The following SHC3 variants were observed in gnomAD, a reference collection of about 807,000 sequenced individuals.
SHC3 encodes SHC adaptor protein 3.
SHC3 carries 15 observed loss-of-function variants against 60.4 expected under a neutral mutation model. The ratio of observed to expected loss-of-function variants is 0.25; its 90% confidence interval spans 0.17 to 0.38. The LOEUF (loss-of-function observed/expected upper bound fraction) is 0.38. Among genes scored for constraint, SHC3 ranks in the 10% least tolerant of loss-of-function variants. The pLI is 1.00. For synonymous variants in SHC3, 294 were observed against 325.9 expected, an observed-to-expected ratio of 0.90 and a Z score of 1.05; for missense variants, 677 against 786.1, an observed-to-expected ratio of 0.86 and a Z score of 1.66.
At chr9:89,045,521 C>T (rs188283750) in intron 9 of SHC3, among the ~76,000 whole-genome samples, 52 of 152,118 alleles carry the variant, frequency 3.4e-4, no homozygotes, top group African/African-American at 1.2e-3. Flanking sequence ...GTGATTGTCC[C>T]GCCTCAGCTT....
At chr9:89,114,046 C>T (rs1315092569) in intron 1 of SHC3, among the ~76,000 whole-genome samples, 1 of 152,112 alleles carries the variant, frequency 6.6e-6, no homozygotes, top group Non-Finnish European at 1.5e-5. Context: ...TACGTGAAAA[C>T]CACCACCTAT....
At chr9:89,161,188 G>A (rs542649393) in intron 1 of SHC3, among the ~76,000 whole-genome samples, 1 of 152,230 alleles carries the variant, frequency 6.6e-6, no homozygotes, top group East Asian at 1.9e-4. Flanking sequence ...GACCCCATAC[G>A]ATCATGGCAG....
At chr9:89,033,474 T>C (rs775937937) in intron 11 of SHC3, among the ~76,000 whole-genome samples, 4 of 152,218 alleles carry the variant, frequency 2.6e-5, no homozygotes, top group Non-Finnish European at 2.9e-5. Flanking sequence ...AAGTATGAGC[T>C]GATTCTAAAA....
At chr9:89,091,980 A>G (rs1468379741) in intron 2 of SHC3, among the ~76,000 whole-genome samples, 1 of 152,242 alleles carries the variant, frequency 6.6e-6, no homozygotes, top group Non-Finnish European at 1.5e-5. Flanking sequence ...AAGAAAGAAA[A>G]TGAAACCAGA....
intron 2 of SHC3, among the ~76,000 whole-genome samples, chr9:89,107,974 CATGAGT>C (rs1457369043): frequency 9.2e-5 from 14 of 152,186 alleles, no homozygotes; most frequent in Admixed American, 3.9e-4. Flanking sequence ...AAGGTGGTCC[CATGAGT>C]ATAATAGTGT....
chr9:89,045,643 G>C, intron 9 of SHC3, 103 bp downstream of exon 9: 1 of 951,950 alleles, frequency 1.1e-6, no homozygotes, highest in African/African-American at 1.6e-5. Flanking sequence ...ATATATCCAG[G>C]GGTCACTCTG....
At chr9:89,171,518 G>A (rs1300199519) in intron 1 of SHC3, among the ~76,000 whole-genome samples, 3 of 152,192 alleles carry the variant, frequency 2.0e-5, no homozygotes, top group South Asian at 2.1e-4. Context: ...TTCAATAGAC[G>A]AAAGTGAGCA....
At chr9:89,042,807 AT>A (rs1190327018) in intron 9 of SHC3, among the ~76,000 whole-genome samples, 3 of 151,716 alleles carry the variant, frequency 2.0e-5, no homozygotes, top group African/African-American at 7.3e-5. Context: ...CAGCTAGCCA[AT>A]GGGTGTGCTG....
At chr9:89,102,515 T>C (rs1825797801) in intron 2 of SHC3, among the ~76,000 whole-genome samples, 1 of 152,218 alleles carries the variant, frequency 6.6e-6, no homozygotes, top group Non-Finnish European at 1.5e-5. Flanking sequence ...TCTGTGTCTG[T>C]AATAACCCAA....
At chr9:89,063,169 C>T (rs1209400162) in intron 6 of SHC3, among the ~76,000 whole-genome samples, 1 of 152,112 alleles carries the variant, frequency 6.6e-6, no homozygotes, top group Non-Finnish European at 1.5e-5. Context: ...CTCGCTCTGT[C>T]GCCAGGCTGG....
intron 6 of SHC3, among the ~76,000 whole-genome samples, chr9:89,060,891 C>A (rs188343422): frequency 1.3e-5 from 2 of 152,138 alleles, no homozygotes; most frequent in East Asian, 3.9e-4. Context: ...AGGCAGAGAA[C>A]TGGGGAAGTC....
chr9:89,168,858 T>G (rs965008998), intron 1 of SHC3, among the ~76,000 whole-genome samples: 2 of 152,206 alleles, frequency 1.3e-5, no homozygotes, highest in Admixed American at 1.3e-4. Context: ...ACAAAAAGCC[T>G]GACCCCTCCC....
At chr9:89,127,738 T>C (rs2118156386) in intron 1 of SHC3, among the ~76,000 whole-genome samples, 1 of 152,118 alleles carries the variant, frequency 6.6e-6, no homozygotes, top group Middle Eastern at 3.4e-3. Context: ...TAGAGAAGTA[T>C]GCTCTTGGTC....
intron 6 of SHC3, among the ~76,000 whole-genome samples, chr9:89,053,584 G>T (rs555793165): frequency 1.3e-5 from 2 of 152,148 alleles, no homozygotes; most frequent in African/African-American, 4.8e-5. Flanking sequence ...GTATTTCCTC[G>T]GAAGAGCAAG....
intron 1 of SHC3, among the ~76,000 whole-genome samples, chr9:89,145,098 A>T (rs1309280626): frequency 6.6e-6 from 1 of 152,118 alleles, no homozygotes; most frequent in Non-Finnish European, 1.5e-5. Context: ...CCCTCCACCC[A>T]CATCCCCAGG....
chr9:89,019,755 A>G (rs1432258073), intron 11 of SHC3, among the ~76,000 whole-genome samples: 1 of 152,246 alleles, frequency 6.6e-6, no homozygotes, highest in Non-Finnish European at 1.5e-5. Context: ...ATCAAAGAAG[A>G]ACTAAATAAA....
At chr9:89,035,851 A>ATG (rs34601277) in intron 11 of SHC3, among the ~76,000 whole-genome samples, 1,963 of 128,528 alleles carry the variant, frequency 0.015, 59 homozygotes, top group African/African-American at 0.041. Flanking sequence ...ATATATATAG[A>ATG]TGTGTGTGTG....
At chr9:89,034,722 A>G (rs1824544018) in intron 11 of SHC3, among the ~76,000 whole-genome samples, 1 of 152,214 alleles carries the variant, frequency 6.6e-6, no homozygotes, top group Non-Finnish European at 1.5e-5. Flanking sequence ...TAATCTAATA[A>G]AGGAGACAGA....
At chr9:89,056,658 C>T (rs1268602608) in intron 6 of SHC3, among the ~76,000 whole-genome samples, 14 of 152,248 alleles carry the variant, frequency 9.2e-5, no homozygotes, top group Non-Finnish European at 2.1e-4. Context: ...CCGCTCACCC[C>T]ACATCCCAGC....
Sources: allele counts gnomAD v4.1 joint callset (sites outside exome capture counted in the v4.1 genomes callset), GRCh38; gene constraint gnomAD v4.1.1; transcripts MANE v1.5; gene names NCBI Gene and HGNC (gene_info 2026-07-23, HGNC 2026-07-21).